Variants in GRID2 observed in about 807,000 individuals in gnomAD.
GRID2 encodes glutamate receptor ionotropic, delta-2.
A neutral mutation model predicts 114.8 loss-of-function variants in GRID2; 33 were observed. The ratio of observed to expected loss-of-function variants is 0.29; its 90% confidence interval spans 0.22 to 0.38. The LOEUF is 0.38. Ranked by LOEUF, GRID2 falls within the 10% of genes least tolerant of loss-of-function variation. GRID2 has a pLI of 1.00. For synonymous variants in GRID2, 505 were observed against 449.9 expected, an observed-to-expected ratio of 1.12 and a Z score of -1.55; for missense variants, 1,184 against 1,257.7, an observed-to-expected ratio of 0.94 and a Z score of 0.89.
intron 13 of GRID2, among the ~76,000 whole-genome samples, chr4:93,546,834 T>C (rs564866056): frequency 6.6e-6 from 1 of 152,304 alleles, no homozygotes; most frequent in Admixed American, 6.5e-5. Context: ...GTAATATTAA[T>C]ATACTTGGTG....
intron 1 of GRID2, among the ~76,000 whole-genome samples, chr4:92,485,014 TAAAC>T (rs1355624910): frequency 6.6e-6 from 1 of 151,858 alleles, no homozygotes; most frequent in East Asian, 1.9e-4. Context: ...ATCTATTTAT[TAAAC>T]AAATATTTAA....
At chr4:92,400,260 G>A (rs969693409) in intron 1 of GRID2, among the ~76,000 whole-genome samples, 2 of 151,960 alleles carry the variant, frequency 1.3e-5, no homozygotes, top group African/African-American at 4.8e-5. Context: ...GTCACTTCCC[G>A]TTCACCTCTC....
At chr4:92,703,127 G>C (rs1429671792) in intron 2 of GRID2, among the ~76,000 whole-genome samples, 1 of 152,258 alleles carries the variant, frequency 6.6e-6, no homozygotes, top group South Asian at 2.1e-4. Flanking sequence ...AACAATCAAG[G>C]TGGAAATAAC....
exon 2 of GRID2, chr4:93,809,966 G>A (rs1218238647): frequency 6.6e-6 from 1 of 152,340 alleles, no homozygotes; most frequent in Non-Finnish European, 1.5e-5. Context: ...GCAGGCCCAA[G>A]CCAGGAAGAA....
chr4:93,665,560 A>G (rs1723875632), intron 14 of GRID2, among the ~76,000 whole-genome samples: 1 of 152,330 alleles, frequency 6.6e-6, no homozygotes, highest in African/African-American at 2.4e-5. Flanking sequence ...AGTGTGCTCC[A>G]TCACCTCAAA....
At chr4:93,571,344 T>C (rs1226142292) in intron 13 of GRID2, among the ~76,000 whole-genome samples, 1 of 152,100 alleles carries the variant, frequency 6.6e-6, no homozygotes, top group Non-Finnish European at 1.5e-5. Context: ...GAAATGCATA[T>C]AATGTATATA....
At chr4:92,798,287 A>G (rs966249049) in intron 2 of GRID2, among the ~76,000 whole-genome samples, 2 of 151,994 alleles carry the variant, frequency 1.3e-5, no homozygotes, top group Non-Finnish European at 2.9e-5. Flanking sequence ...GCATTCAGCA[A>G]CAATTGTACC....
chr4:92,310,169 T>A (rs926284398), intron 1 of GRID2, among the ~76,000 whole-genome samples: 1 of 151,942 alleles, frequency 6.6e-6, no homozygotes, highest in Non-Finnish European at 1.5e-5. Context: ...AGTACCACAA[T>A]TATAGGGTTT....
chr4:93,387,398 G>A (rs753597567), intron 8 of GRID2, among the ~76,000 whole-genome samples: 1 of 152,044 alleles, frequency 6.6e-6, no homozygotes, highest in African/African-American at 2.4e-5. Flanking sequence ...ACTATACAGA[G>A]TTTAACCTTT....
At chr4:93,295,324 G>T (rs745447905) in intron 8 of GRID2, among the ~76,000 whole-genome samples, 1 of 152,244 alleles carries the variant, frequency 6.6e-6, no homozygotes, top group South Asian at 2.1e-4. Flanking sequence ...AGATAAAAGA[G>T]TACAGGAGAC....
chr4:92,835,659 A>G (rs1742404064), intron 2 of GRID2, among the ~76,000 whole-genome samples: 1 of 152,160 alleles, frequency 6.6e-6, no homozygotes, highest in South Asian at 2.1e-4. Flanking sequence ...TCTTACCCCC[A>G]GGTGATTCTG....
At chr4:92,580,051 A>G (rs969824670) in intron 1 of GRID2, among the ~76,000 whole-genome samples, 1 of 148,240 alleles carries the variant, frequency 6.7e-6, no homozygotes, top group African/African-American at 2.4e-5. Context: ...ATCTACATAT[A>G]TACATATAAA....
intron 1 of GRID2, among the ~76,000 whole-genome samples, chr4:92,314,933 T>A (rs1448732626): frequency 6.6e-6 from 1 of 152,206 alleles, no homozygotes; most frequent in Non-Finnish European, 1.5e-5. Context: ...CATATTCATA[T>A]GATTTCTGTG....
At chr4:93,544,701 C>A (rs1377091953) in intron 13 of GRID2, among the ~76,000 whole-genome samples, 2 of 150,162 alleles carry the variant, frequency 1.3e-5, no homozygotes, top group African/African-American at 4.9e-5. Context: ...TGCTTGAACT[C>A]GGGAGGCGGA....
intron 3 of GRID2, among the ~76,000 whole-genome samples, chr4:93,108,603 G>A (rs1313450635): frequency 6.6e-6 from 1 of 150,490 alleles, no homozygotes; most frequent in African/African-American, 2.4e-5. Flanking sequence ...TCAATAATCT[G>A]CTCTGTCTGC....
intron 8 of GRID2, among the ~76,000 whole-genome samples, chr4:93,369,859 A>G (rs1762702231): frequency 6.6e-6 from 1 of 152,172 alleles, no homozygotes; most frequent in Non-Finnish European, 1.5e-5. Context: ...TTATTTTACA[A>G]ATATAAAGAG....
chr4:92,384,433 A>AAT (rs372161362), intron 1 of GRID2, among the ~76,000 whole-genome samples: 330 of 30,098 alleles, frequency 0.011, 2 homozygotes, highest in Non-Finnish European at 0.014. Context: ...TGTGTGTAGG[A>AAT]ATATATATAT....
intron 1 of GRID2, among the ~76,000 whole-genome samples, chr4:92,441,773 C>T (rs1044859716): frequency 9.3e-5 from 14 of 151,088 alleles, no homozygotes; most frequent in Admixed American, 3.3e-4. Flanking sequence ...CATGATCGGT[C>T]GCCAAGGAGG....
At chr4:93,362,663 A>G (rs1213387705) in intron 8 of GRID2, among the ~76,000 whole-genome samples, 1 of 151,990 alleles carries the variant, frequency 6.6e-6, no homozygotes, top group Non-Finnish European at 1.5e-5. Context: ...CTTTCTCACA[A>G]CAGAAATTGC....
Sources: gnomAD v4.1 joint callset for allele counts (sites outside exome capture counted in the v4.1 genomes callset) on GRCh38, gnomAD v4.1.1 for gene constraint, MANE v1.5 for transcripts, NCBI Gene and HGNC (gene_info 2026-07-23, HGNC 2026-07-21) for gene names.